Variants in NR2F1-AS1 observed in about 807,000 individuals in gnomAD.
NR2F1-AS1 encodes the protein NR2F1 regulatory antisense RNA 1.
chr5:93,521,580 G>A (rs914563361), intron 4 of NR2F1-AS1, among the ~76,000 whole-genome samples: 2 of 151,998 alleles, frequency 1.3e-5, no homozygotes, highest in Non-Finnish European at 2.9e-5. Flanking sequence ...TTCAAAAGAA[G>A]ACATACATGC....
chr5:93,455,832 TACACACACACGCACAC>T (rs1295114314), intron 4 of NR2F1-AS1, among the ~76,000 whole-genome samples: 1 of 144,486 alleles, frequency 6.9e-6, no homozygotes, highest in African/African-American at 2.8e-5. Context: ...CCATGTTAAC[TACACACACACGCACAC>T]ACACACACAC....
chr5:93,541,488 C>T (rs1340422938), intron 4 of NR2F1-AS1, among the ~76,000 whole-genome samples: 1 of 152,178 alleles, frequency 6.6e-6, no homozygotes, highest in Non-Finnish European at 1.5e-5. Flanking sequence ...TATCAATGGA[C>T]TTCTTCCTAT....
At chr5:93,492,678 C>T (rs1169668698) in intron 4 of NR2F1-AS1, among the ~76,000 whole-genome samples, 2 of 152,050 alleles carry the variant, frequency 1.3e-5, no homozygotes, top group African/African-American at 2.4e-5. Context: ...ATTTTAAAAA[C>T]ACATACACCA....
At chr5:93,510,709 A>G (rs1751277599) in intron 4 of NR2F1-AS1, among the ~76,000 whole-genome samples, 1 of 152,296 alleles carries the variant, frequency 6.6e-6, no homozygotes, top group African/African-American at 2.4e-5. Flanking sequence ...TCTAAAACAT[A>G]TATTAGCCAG....
rs1580351763 is a variant in NR2F1-AS1 at position 93,579,965 on chromosome 5, G to T, written n.313+502C>A. Among the ~76,000 whole-genome samples, 1 of 152,216 alleles carries T rather than the reference G, an allele frequency of 6.6e-6. No individual in the cohort carries two copies. Among genetic ancestry groups the T allele is most frequent in the Non-Finnish European group, 1.5e-5 (1 of 68,038 alleles). On this transcript the variant is annotated intron_variant and non_coding_transcript_variant, in intron 1 of 5. Transcript: ENST00000660523. The surrounding 1 kb of genome is among the most constrained non-coding windows in gnomAD (Gnocchi z 5.1). ...ATTAGGGGATGGCGTTACAAACGGC[G>T]TCCGCAGGTGGGCGGCTGCAGCCAA...
rs35059457 is a variant in NR2F1-AS1, at chr5:93,451,320, GAAAAAAAA to G, written n.639-55786_639-55779del. 1.7e-4 allele frequency among the ~76,000 whole-genome samples: 13 copies of G among 78,704 alleles called. No homozygotes were observed. In the Admixed American group the frequency reaches 1.8e-3, roughly 11 times the overall value. The allele number at this position is 78,704 out of a possible 152,430, so 51.6% of individuals were successfully genotyped here. A position where few individuals can be genotyped will look rare whatever the true frequency, so the allele number is the denominator to read the frequency against. On this transcript the variant is annotated intron_variant and non_coding_transcript_variant, in intron 4 of 5. Coordinates refer to ENST00000660523, the Ensembl canonical transcript of NR2F1-AS1. ...CACCAGGTTTTAGAGTAGGGTTTTT[GAAAAAAAA>G]AAAAAAAAAAAGCTGGCAACTATTA...
chr5:93,576,256 C>G (rs992655426), intron 1 of NR2F1-AS1, among the ~76,000 whole-genome samples: 1 of 152,160 alleles, frequency 6.6e-6, no homozygotes, highest in Non-Finnish European at 1.5e-5. Context: ...AAACATAGAA[C>G]GATCCCCGAG....
intron 4 of NR2F1-AS1, among the ~76,000 whole-genome samples, chr5:93,450,483 CA>C (rs1749802984): frequency 6.6e-6 from 1 of 152,128 alleles, no homozygotes; most frequent in African/African-American, 2.4e-5. Flanking sequence ...CTACTCTAAG[CA>C]AAATATTTCC....
chr5:93,457,500 G>A (rs1269721703), intron 4 of NR2F1-AS1, among the ~76,000 whole-genome samples: 1 of 152,154 alleles, frequency 6.6e-6, no homozygotes. Flanking sequence ...TCTTAGTACA[G>A]AACAAAATGG....
upstream of NR2F1-AS1, chr5:93,581,310 G>C (rs1427721528): frequency 6.6e-6 from 1 of 152,284 alleles, no homozygotes; most frequent in East Asian, 1.9e-4. Flanking sequence ...CACTCCGCGC[G>C]GCTCCGCGCC....
intron 4 of NR2F1-AS1, among the ~76,000 whole-genome samples, chr5:93,507,338 TTG>T (rs1275904315): frequency 4.8e-5 from 2 of 41,966 alleles, no homozygotes; most frequent in Non-Finnish European, 1.6e-4. Context: ...TTTTTTTGTT[TTG>T]TTTTGTTTTG....
intron 4 of NR2F1-AS1, among the ~76,000 whole-genome samples, chr5:93,486,943 T>C (rs1750736001): frequency 6.6e-6 from 1 of 152,134 alleles, no homozygotes; most frequent in Non-Finnish European, 1.5e-5. Context: ...TGGTTCAACA[T>C]ATGCAAATCA....
chr5:93,440,086 T>C (rs1431249532), intron 4 of NR2F1-AS1, among the ~76,000 whole-genome samples: 1 of 152,140 alleles, frequency 6.6e-6, no homozygotes, highest in African/African-American at 2.4e-5. Context: ...AATTACAATC[T>C]TTTTAAAAAG....
At chr5:93,564,115 A>C (rs1752559805) in intron 1 of NR2F1-AS1, among the ~76,000 whole-genome samples, 1 of 60,766 alleles carries the variant, frequency 1.6e-5, no homozygotes, top group Non-Finnish European at 3.1e-5. Flanking sequence ...AAAAAAAAAA[A>C]AAAAAAAAAA....
intron 4 of NR2F1-AS1, among the ~76,000 whole-genome samples, chr5:93,546,433 A>G (rs551168609): frequency 2.7e-4 from 41 of 152,324 alleles, no homozygotes; most frequent in African/African-American, 9.4e-4. Context: ...TTATCATAAG[A>G]TTTATGTAAT....
chr5:93,440,955 G>A lies in NR2F1-AS1; in HGVS notation n.639-45413C>T, dbSNP rs551460947. On this transcript the variant is annotated intron_variant and non_coding_transcript_variant, in intron 4 of 5. Coordinates refer to ENST00000660523, the Ensembl canonical transcript of NR2F1-AS1. The stretch of plus-strand genomic sequence containing the variant: ...CTCCTTTACTCCAAAAACCCAATAG[G>A]AAAATGTGTCTTAAACTTCCAAAAT... 4.6e-5 allele frequency among the ~76,000 whole-genome samples: 7 copies of A among 152,170 alleles called. No homozygotes were observed. The South Asian group carries it at 6.2e-4, about 14-fold the overall frequency.
At chr5:93,511,425 G>T (rs930987800) in intron 4 of NR2F1-AS1, among the ~76,000 whole-genome samples, 1 of 152,166 alleles carries the variant, frequency 6.6e-6, no homozygotes, top group Non-Finnish European at 1.5e-5. Flanking sequence ...TCTCTAGCTT[G>T]CAAGGAGCAG....
chr5:93,582,184 TC>T (rs1222764906), upstream of NR2F1-AS1, among the ~76,000 whole-genome samples: 1 of 132,220 alleles, frequency 7.6e-6, no homozygotes, highest in African/African-American at 2.9e-5. Flanking sequence ...CACACTAATC[TC>T]CCCCCACCCT....
chr5:93,461,678 CA>C (rs1750097309), intron 4 of NR2F1-AS1, among the ~76,000 whole-genome samples: 1 of 152,060 alleles, frequency 6.6e-6, no homozygotes, highest in African/African-American at 2.4e-5. Flanking sequence ...AACATGGAAG[CA>C]TTTTATTTTA....
Sources: gnomAD v4.1 joint callset for allele counts (sites outside exome capture counted in the v4.1 genomes callset) on GRCh38, gnomAD v4.1.1 for gene constraint, Gnocchi (gnomAD v3.1) non-coding constraint, MANE v1.5 for transcripts, NCBI Gene and HGNC (gene_info 2026-07-23, HGNC 2026-07-21) for gene names.